Variants in REC114 observed in about 807,000 individuals in gnomAD.
The protein encoded by REC114 is meiotic recombination protein REC114.
A neutral mutation model predicts 31.3 loss-of-function variants in REC114; 27 were observed. The ratio of observed to expected loss-of-function variants is 0.86; its 90% CI spans 0.64 to 1.19. The LOEUF (loss-of-function observed/expected upper bound fraction) is 1.19, where lower values mean the gene tolerates loss of function less well. REC114 is among the 50% of genes most tolerant of loss of function. The pLI is 0.00. For synonymous variants in REC114, 134 were observed against 127.7 expected (o/e 1.05, Z -0.33); for missense variants, 344 against 326.9 (o/e 1.05, Z -0.40).
chr15:73,557,251 G>T (rs1032677553), intron 5 of REC114, among the ~76,000 whole-genome samples: 1 of 151,290 alleles, frequency 6.6e-6, no homozygotes, highest in Admixed American at 6.6e-5. Flanking sequence ...TGTATTTTTA[G>T]TAGAGTCAGG....
chr15:73,456,972 C>A (rs1020719747), intron 1 of REC114, among the ~76,000 whole-genome samples: 2 of 145,760 alleles, frequency 1.4e-5, no homozygotes, highest in Admixed American at 6.9e-5. Context: ...TAAAATAGTT[C>A]TTTGTATGCT....
At chr15:73,487,313 T>G (rs1352445875) in intron 2 of REC114, among the ~76,000 whole-genome samples, 2 of 152,104 alleles carry the variant, frequency 1.3e-5, no homozygotes, top group Non-Finnish European at 2.9e-5. Context: ...AAGTCCAGAG[T>G]CTCATCTCTA....
intron 2 of REC114, among the ~76,000 whole-genome samples, chr15:73,508,271 GAAATT>G (rs1428197280): frequency 2.6e-5 from 4 of 151,980 alleles, no homozygotes; most frequent in Non-Finnish European, 5.9e-5. Context: ...TTTAATAAGG[GAAATT>G]AAATTTTAAT....
chr15:73,450,790 A>C (rs1892834900), intron 1 of REC114, among the ~76,000 whole-genome samples: 1 of 152,182 alleles, frequency 6.6e-6, no homozygotes, highest in African/African-American at 2.4e-5. Flanking sequence ...ACAATCTCTC[A>C]GTCCACAGTG....
intron 2 of REC114, among the ~76,000 whole-genome samples, chr15:73,478,526 C>A (rs1262988507): frequency 6.6e-6 from 1 of 152,116 alleles, no homozygotes; most frequent in East Asian, 1.9e-4. Context: ...TTAATTCTTC[C>A]AACTGTGTTC....
rs189888583 is a variant in REC114 at position 73,526,765 on chromosome 15, C to G, written c.250-13720C>G. On this transcript the variant is annotated intron_variant, in intron 2 of 5. Transcript: ENST00000331090. ...TCATTGTTGCTGGTTTTTCATATAT[C>G]TAGTACTTTTTGATCAGATGTCAGA... is the stretch of plus-strand genomic sequence containing the variant. 2.6e-5 allele frequency among the ~76,000 whole-genome samples: 4 copies of G among 152,186 alleles called. No homozygotes were observed. The East Asian group carries it at 7.7e-4, about 29-fold the overall frequency.
intron 1 of REC114, among the ~76,000 whole-genome samples, chr15:73,454,848 G>T (rs888173765): frequency 6.6e-6 from 1 of 152,118 alleles, no homozygotes; most frequent in African/African-American, 2.4e-5. Flanking sequence ...TTCTTATCCT[G>T]CAACCCAGAG....
intron 2 of REC114, among the ~76,000 whole-genome samples, chr15:73,505,732 C>T (rs1239973866): frequency 6.6e-6 from 1 of 152,114 alleles, no homozygotes; most frequent in Non-Finnish European, 1.5e-5. Context: ...CAGGATTTCA[C>T]CGTGTTAGCC....
chr15:73,528,626 T>C (rs1894036684), intron 2 of REC114, among the ~76,000 whole-genome samples: 1 of 152,214 alleles, frequency 6.6e-6, no homozygotes, highest in South Asian at 2.1e-4. Context: ...TTTTACATTA[T>C]TAAATGGTTG....
intron 2 of REC114, among the ~76,000 whole-genome samples, chr15:73,519,999 G>C (rs1268883167): frequency 6.6e-6 from 1 of 152,152 alleles, no homozygotes; most frequent in Non-Finnish European, 1.5e-5. Context: ...TATTTGATGG[G>C]TATAGAATAT....
chr15:73,523,440 G>T (rs901912380), intron 2 of REC114, among the ~76,000 whole-genome samples: 3 of 152,218 alleles, frequency 2.0e-5, no homozygotes, highest in Admixed American at 6.5e-5. Flanking sequence ...TGAATGAATG[G>T]TTGAAGTCTG....
intron 4 of REC114, among the ~76,000 whole-genome samples, chr15:73,553,169 T>G (rs1399406161): frequency 6.6e-6 from 1 of 152,182 alleles, no homozygotes; most frequent in African/African-American, 2.4e-5. Flanking sequence ...AAATTTTCAT[T>G]ATTTATTATA....
chr15:73,475,754 C>A (rs928603409), intron 2 of REC114, among the ~76,000 whole-genome samples: 2 of 152,038 alleles, frequency 1.3e-5, no homozygotes, highest in Non-Finnish European at 2.9e-5. Context: ...CATGAGATAA[C>A]AATACACACT....
At chr15:73,455,888 T>C (rs1892908361) in intron 1 of REC114, among the ~76,000 whole-genome samples, 1 of 152,164 alleles carries the variant, frequency 6.6e-6, no homozygotes, top group African/African-American at 2.4e-5. Flanking sequence ...AGATTCTAGT[T>C]CTAACAAGCT....
At chr15:73,461,309 T>C (rs930411272) in intron 1 of REC114, among the ~76,000 whole-genome samples, 1 of 152,134 alleles carries the variant, frequency 6.6e-6, no homozygotes, top group African/African-American at 2.4e-5. Context: ...CAAGAGTCAG[T>C]GGGAAGGCAG....
chr15:73,462,884 C>CAAAAAAAA (rs769569268), intron 1 of REC114, among the ~76,000 whole-genome samples: 10 of 55,652 alleles, frequency 1.8e-4, no homozygotes, highest in African/African-American at 4.9e-4. Flanking sequence ...GACTCCGTCT[C>CAAAAAAAA]AAAAAAAAAA....
Position 73,481,391 on chromosome 15 carries a change from G to A in REC114, c.249+7470G>A, listed in dbSNP as rs571272879. Among the ~76,000 whole-genome samples the A allele has an allele frequency of 4.6e-5, 7 of 152,074 alleles. No individual in the cohort carries two copies. In the East Asian group the frequency reaches 7.7e-4, roughly 17 times the overall value. ...TCATATAGCACCTGCATTCAACTGG[G>A]GACATCACTGCCAGAGGGCTCCATG... On this transcript the variant is annotated intron_variant, in intron 2 of 5. Transcript: ENST00000331090.
At chr15:73,524,899 C>T (rs1217054341) in intron 2 of REC114, among the ~76,000 whole-genome samples, 1 of 152,134 alleles carries the variant, frequency 6.6e-6, no homozygotes, top group African/African-American at 2.4e-5. Context: ...GTGCCTGGCC[C>T]AAAAGCAGAG....
intron 2 of REC114, among the ~76,000 whole-genome samples, chr15:73,529,837 G>A (rs1158357909): frequency 6.6e-6 from 1 of 152,064 alleles, no homozygotes; most frequent in African/African-American, 2.4e-5. Context: ...TTGAGGGCAG[G>A]GACCATTTGA....
Sources: gnomAD v4.1 joint callset for allele counts (sites outside exome capture counted in the v4.1 genomes callset) on GRCh38, gnomAD v4.1.1 for gene constraint, MANE v1.5 for transcripts, NCBI Gene and HGNC (gene_info 2026-07-23, HGNC 2026-07-21) for gene names.